The following CSAD variants were observed in gnomAD, a reference collection of about 807,000 sequenced individuals.
CSAD encodes the protein cysteine sulfinic acid decarboxylase.
Under a neutral mutation model 61.5 loss-of-function variants are expected in CSAD, and 47 were observed. The ratio of observed to expected loss-of-function variants is 0.76; its 90% CI spans 0.60 to 0.97. The LOEUF is 0.97. Among genes scored for constraint, CSAD ranks in the 50% least tolerant of loss-of-function variants. The pLI, the probability that CSAD is intolerant of heterozygous loss-of-function variation, is 0.00. For synonymous variants in CSAD, 245 were observed against 252.7 expected (o/e 0.97, Z 0.29); for missense variants, 611 against 643.6 (o/e 0.95, Z 0.55).
intron 2 of CSAD, 198 bp from the exon 3 acceptor site, chr12:53,173,968 C>T (rs1276176624): frequency 5.0e-6 from 3 of 597,734 alleles, no homozygotes; most frequent in East Asian, 2.9e-5. Context: ...TACTAATCTA[C>T]TTTGTTTCTG....
chr12:53,172,510 G>A lies in CSAD; in HGVS notation c.253+12C>T. 6.2e-7 allele frequency: 1 copy of A among 1,614,114 alleles called. No individual in the cohort carries two copies. The highest frequency in any genetic ancestry group is 1.3e-5 in the African/African-American group (1 of 75,024). ...ACTCCCAAGTCTCCTCCTCACAGAA[G>A]CCAGGGCCCACCAGTCTTGACACTG... On this transcript the variant is annotated intron_variant, in intron 5 of 16. Transcript: ENST00000444623.
intron 1 of CSAD, chr12:53,179,701 T>G: frequency 7.6e-7 from 1 of 1,315,628 alleles, no homozygotes; most frequent in Non-Finnish European, 1.1e-6. Context: ...TCCTTGTCTT[T>G]TTTTCATCAT....
At chr12:53,168,098 T>C (rs1410228537) in intron 10 of CSAD, among the ~76,000 whole-genome samples, 1 of 152,166 alleles carries the variant, frequency 6.6e-6, no homozygotes, top group African/African-American at 2.4e-5. Flanking sequence ...CTTGAAGACA[T>C]TATGCTATGT....
At chr12:53,181,031 G>T (rs1369144824), upstream of CSAD, 1 of 869,396 alleles carries the variant, frequency 1.2e-6, no homozygotes, top group Middle Eastern at 5.5e-4. Flanking sequence ...GCGTCCCGCC[G>T]CGTCCCCGGC....
chr12:53,170,974 G>C lies in CSAD; in HGVS notation c.567+352C>G, dbSNP rs570340995. 3.0e-5 allele frequency: 13 copies of C among 438,092 alleles called. No individual in the cohort carries two copies. The Admixed American group carries it at 3.7e-4, about 13-fold the overall frequency. The allele number at this position is 438,092 out of a possible 1,614,324, so 27.1% of individuals were successfully genotyped here. A position where few individuals can be genotyped will look rare whatever the true frequency, so the allele number is the denominator to read the frequency against. ...GAGCTCAGGCAATCCACCCACCTCAGCCTCTCAAAGTGCTGGGATTACAGG... is the reference window on the plus strand; with the variant it reads ...GAGCTCAGGCAATCCACCCACCTCACCCTCTCAAAGTGCTGGGATTACAGG... On this transcript the variant is annotated intron_variant, in intron 8 of 16. Coordinates refer to ENST00000444623, the MANE Select transcript of CSAD (RefSeq NM_001244705.2).
intron 10 of CSAD, among the ~76,000 whole-genome samples, chr12:53,167,217 C>T (rs987801976): frequency 2.6e-5 from 4 of 152,172 alleles, no homozygotes; most frequent in Admixed American, 6.5e-5. Context: ...AGGAAGACTA[C>T]AGGTGGGGTG....
chr12:53,174,370 A>C (rs915793268), intron 2 of CSAD, among the ~76,000 whole-genome samples: 1 of 151,976 alleles, frequency 6.6e-6, no homozygotes, highest in African/African-American at 2.4e-5. Context: ...CAAAATATTC[A>C]TTTGTGGCTA....
rs946112682 is a variant in CSAD at position 53,158,478 on chromosome 12, T to C, written c.*33A>G. 5 of 1,595,880 alleles carry C rather than the reference T, an allele frequency of 3.1e-6. No homozygotes were observed. In the South Asian group the frequency reaches 4.4e-5, roughly 14 times the overall value. On this transcript the variant is annotated 3_prime_UTR_variant, in exon 17 of 17. Coordinates refer to ENST00000444623, the MANE Select transcript of CSAD (RefSeq NM_001244705.2). ...ATGCAGTGACTCTGCGGGTGAGGGGTGGTATCAAGGCCGGCAGCAAGACAG... is the reference window on the plus strand; with the variant it reads ...ATGCAGTGACTCTGCGGGTGAGGGGCGGTATCAAGGCCGGCAGCAAGACAG...
chr12:53,180,540 C>T (rs1307650849), intron 1 of CSAD, 192 bp downstream of exon 1: 2 of 1,278,990 alleles, frequency 1.6e-6, no homozygotes, highest in South Asian at 1.3e-5. Flanking sequence ...TCCTCCATGC[C>T]CTCGGCGCAC....
Position 53,173,749 on chromosome 12 carries a change from A to G in CSAD, c.-28T>C. The G allele has an allele frequency of 1.2e-6, 2 of 1,612,956 alleles. No homozygotes were observed. The highest frequency in any genetic ancestry group is 8.5e-7 in the Non-Finnish European group (1 of 1,179,116). On this transcript the variant is annotated 5_prime_UTR_variant, in exon 3 of 17. Transcript: ENST00000444623. ...TTACCTCTCTGCTCAGGAGAGCCGGAGGCAGGGTGCACAGGTAGCTCCTCA... is the reference window on the plus strand; with the variant it reads ...TTACCTCTCTGCTCAGGAGAGCCGGGGGCAGGGTGCACAGGTAGCTCCTCA...
intron 7 of CSAD, 60 bp downstream of exon 7, chr12:53,171,822 C>A: frequency 9.1e-7 from 1 of 1,102,448 alleles, no homozygotes. Flanking sequence ...AGCAAGAGAA[C>A]GGTGGGGGAG....
chr12:53,158,502 A>G lies in CSAD; in HGVS notation c.*9T>C. ...GTGGTATCAAGGCCGGCAGCAAGACAGAGAAGGCTCACAGGTCCTGGCCTA... is the reference window on the plus strand; with the variant it reads ...GTGGTATCAAGGCCGGCAGCAAGACGGAGAAGGCTCACAGGTCCTGGCCTA... On this transcript the variant is annotated 3_prime_UTR_variant, in exon 17 of 17. Transcript: ENST00000444623. The G allele has an allele frequency of 3.1e-6, 5 of 1,608,520 alleles. No homozygotes were observed. Among genetic ancestry groups the G allele is most frequent in the Non-Finnish European group, 4.3e-6 (5 of 1,176,128 alleles).
chr12:53,181,199 C>T (rs1316868924), upstream of CSAD: 1 of 985,430 alleles, frequency 1.0e-6, no homozygotes, highest in African/African-American at 1.7e-5. Flanking sequence ...CCTGCCTGTC[C>T]TCCACCTCCG....
chr12:53,174,516 G>GC (rs1407670271), intron 2 of CSAD, among the ~76,000 whole-genome samples: 1 of 151,884 alleles, frequency 6.6e-6, no homozygotes. Context: ...AAAATTGTCC[G>GC]CGTGTGGTGG....
At chr12:53,177,411 AAC>A (rs1455350391) in intron 2 of CSAD, among the ~76,000 whole-genome samples, 2 of 152,354 alleles carry the variant, frequency 1.3e-5, no homozygotes, top group African/African-American at 4.8e-5. Context: ...TATTATCCAT[AAC>A]ACAGACAGGA....
At chr12:53,169,986 T>C in intron 10 of CSAD, 86 bp downstream of exon 10, 1 of 1,177,554 alleles carries the variant, frequency 8.5e-7, no homozygotes, top group Non-Finnish European at 1.3e-6. Flanking sequence ...ACGAGAGGGA[T>C]GAAGGATGCC....
chr12:53,171,587 C>T (rs1940585049), intron 7 of CSAD, 146 bp from the exon 8 acceptor site: 8 of 753,288 alleles, frequency 1.1e-5, no homozygotes, highest in Non-Finnish European at 8.6e-6. Context: ...CATACCATCC[C>T]AGAATGGATC....
At chr12:53,169,889 C>T (rs1340896534) in intron 10 of CSAD, among the ~76,000 whole-genome samples, 183 bp downstream of exon 10, 1 of 152,204 alleles carries the variant, frequency 6.6e-6, no homozygotes, top group African/African-American at 2.4e-5. Flanking sequence ...GCGTAGGTGT[C>T]TGGGCAGAGC....
rs755496958 is a variant in CSAD at position 53,159,697 on chromosome 12, C to A, written c.1234G>T (p.Val412Leu). The A allele has an allele frequency of 6.2e-7, 1 of 1,610,140 alleles. No individual in the cohort carries two copies. The highest frequency in any genetic ancestry group is 1.7e-5 in the Admixed American group (1 of 59,384). Residue 412 changes from valine to leucine, a missense_variant, in exon 16 of 17, where the codon GTG becomes TTG. By Grantham distance (32) the Val-to-Leu change is conservative. Coordinates refer to ENST00000444623, the MANE Select transcript of CSAD (RefSeq NM_001244705.2). Reference sequence around the variant, plus strand: ...CTGGGGGGTACGAACCAGAAACACACATTGACAAACTCAGGCTGAGAGGAA... The same window carrying A: ...CTGGGGGGTACGAACCAGAAACACAAATTGACAAACTCAGGCTGAGAGGAA... ...ELVMEPEFVN[V>L]CFWFVPPSLR... is the part of the protein sequence containing the mutation.
Sources: gnomAD v4.1 joint callset for allele counts (sites outside exome capture counted in the v4.1 genomes callset) on GRCh38, gnomAD v4.1.1 for gene constraint, MANE v1.5 for transcripts, NCBI Gene and HGNC (gene_info 2026-07-23, HGNC 2026-07-21) for gene names.